PAPPA: variants seen among roughly 807,000 people sequenced by gnomAD.
PAPPA encodes pappalysin 1, also known as pappalysin-1.
Under a neutral mutation model 164.0 loss-of-function variants are expected in PAPPA, and 60 were observed. The ratio of observed to expected loss-of-function variants is 0.37; its 90% confidence interval spans 0.30 to 0.45. The LOEUF (loss-of-function observed/expected upper bound fraction) is 0.45, where lower values mean the gene tolerates loss of function less well. Ranked by LOEUF, PAPPA falls within the 20% of genes least tolerant of loss-of-function variation. PAPPA has a pLI of 1.00. For synonymous variants in PAPPA, 875 were observed against 814.1 expected (o/e 1.07, Z -1.27); for missense variants, 1,782 against 2,087.3 (o/e 0.85, Z 2.85).
intron 20 of PAPPA, among the ~76,000 whole-genome samples, chr9:116,378,840 G>C (rs577895903): frequency 6.6e-6 from 1 of 152,254 alleles, no homozygotes; most frequent in Admixed American, 6.5e-5. Flanking sequence ...TCCATTCCCT[G>C]ATCTGTGTCA....
chr9:116,275,426 G>A (rs569445107), intron 9 of PAPPA, among the ~76,000 whole-genome samples: 20 of 152,206 alleles, frequency 1.3e-4, no homozygotes, highest in South Asian at 1.0e-3. Flanking sequence ...ACTACGGGTC[G>A]TCTCTTGTTT....
rs1394342057 is a variant in PAPPA at position 116,200,415 on chromosome 9, A to C, written c.1479-7041A>C. Among the ~76,000 whole-genome samples, 3 of 152,170 alleles carry C rather than the reference A, an allele frequency of 2.0e-5. No individual in the cohort carries two copies. In the East Asian group the frequency reaches 5.8e-4, roughly 29 times the overall value. On this transcript the variant is annotated intron_variant, in intron 2 of 21. Transcript: ENST00000328252. ...AAGGATATGGTCGGTAGCATCCAAC[A>C]GACTAGGGGTTGTGTCCCCCCTCTG...
At position 116,295,594 on chromosome 9, in the gene PAPPA, G is replaced by T. The variant is rs1217101904; in HGVS notation, c.2954-7163G>T. On this transcript the variant is annotated intron_variant, in intron 9 of 21. Transcript: ENST00000328252. ...AAGAAAAGAAAAGAAAAATTTCAAA[G>T]TCTCCTCATTTCTGAAGGATAATTT... Among the ~76,000 whole-genome samples, 6 of 149,180 alleles carry T rather than the reference G, an allele frequency of 4.0e-5. No homozygotes were observed. The East Asian group carries it at 1.2e-3, about 29-fold the overall frequency.
intron 2 of PAPPA, among the ~76,000 whole-genome samples, chr9:116,199,114 A>G (rs1464531974): frequency 6.6e-6 from 1 of 152,112 alleles, no homozygotes; most frequent in Non-Finnish European, 1.5e-5. Context: ...CCACTGGCAC[A>G]CTCTGCTTCT....
At chr9:116,258,986 C>T (rs1277327386) in intron 7 of PAPPA, among the ~76,000 whole-genome samples, 4 of 150,346 alleles carry the variant, frequency 2.7e-5, no homozygotes, top group Non-Finnish European at 5.9e-5. Context: ...ATATAAAATT[C>T]GCCAGGCATG....
At chr9:116,220,802 T>C (rs1276453069) in intron 5 of PAPPA, among the ~76,000 whole-genome samples, 1 of 151,792 alleles carries the variant, frequency 6.6e-6, no homozygotes, top group East Asian at 1.9e-4. Context: ...AGGAGAATGC[T>C]TGAGCCCAGG....
chr9:116,216,827 T>G (rs1327146190), intron 4 of PAPPA, among the ~76,000 whole-genome samples: 7 of 152,120 alleles, frequency 4.6e-5, no homozygotes, highest in Non-Finnish European at 2.9e-5. Flanking sequence ...CTGCAACTTC[T>G]GCCTCCCAGG....
intron 6 of PAPPA, among the ~76,000 whole-genome samples, chr9:116,232,634 G>A (rs1051564304): frequency 4.6e-5 from 7 of 152,342 alleles, no homozygotes; most frequent in East Asian, 3.9e-4. Context: ...GACCTGAGGC[G>A]TGTAATGTGC....
intron 4 of PAPPA, among the ~76,000 whole-genome samples, chr9:116,218,074 T>A (rs1587957146): frequency 6.6e-6 from 1 of 152,228 alleles, no homozygotes; most frequent in African/African-American, 2.4e-5. Context: ...TATTCAGGAG[T>A]TACATGGTGG....
Position 116,360,341 on chromosome 9 carries a change from G to A in PAPPA, c.4348-2251G>A, listed in dbSNP as rs368354567. Among the ~76,000 whole-genome samples the A allele has an allele frequency of 2.7e-4, 41 of 152,314 alleles. 1 individual carries two copies. In the East Asian group the frequency reaches 7.6e-3, roughly 28 times the overall value. On this transcript the variant is annotated intron_variant, in intron 17 of 21. Transcript: ENST00000328252. ...GAGCCCCTACAGAACCTCTGGGAGT[G>A]AACTCTGCAAGCCGCCTTGCAGCTG...
At chr9:116,204,496 C>T (rs1427065088) in intron 2 of PAPPA, among the ~76,000 whole-genome samples, 1 of 152,150 alleles carries the variant, frequency 6.6e-6, no homozygotes, top group African/African-American at 2.4e-5. Flanking sequence ...CTCACTGCAG[C>T]CTTGAACTCC....
rs1843998318 is a variant in PAPPA at position 116,188,059 on chromosome 9, C to T, written c.1321C>T (p.Arg441Cys). 6.8e-6 allele frequency: 11 copies of T among 1,614,166 alleles called. No individual in the cohort carries two copies. The highest frequency in any genetic ancestry group is 1.1e-5 in the South Asian group (1 of 91,082). ...TLTGHDGGDCRHLRHPAFVKK... is the reference protein window; with the variant it reads ...TLTGHDGGDCCHLRHPAFVKK... The stretch of plus-strand genomic sequence containing the variant: ...GACGGGCCACGACGGCGGGGATTGC[C>T]GCCACCTGCGCCACCCTGCCTTCGT... The change falls in exon 2 of 22, where the codon CGC (arginine) becomes TGC (cysteine). Residue 441 changes from arginine to cysteine, a missense_variant. Transcript: ENST00000328252.
At chr9:116,312,186 G>T (rs958773062) in intron 10 of PAPPA, among the ~76,000 whole-genome samples, 2 of 151,676 alleles carry the variant, frequency 1.3e-5, no homozygotes, top group African/African-American at 4.8e-5. Flanking sequence ...ATCCTCTTTA[G>T]CTTCAGGACC....
intron 5 of PAPPA, among the ~76,000 whole-genome samples, chr9:116,225,776 A>G (rs1272653131): frequency 6.6e-6 from 1 of 152,188 alleles, no homozygotes; most frequent in Non-Finnish European, 1.5e-5. Context: ...TAAGTTAGCC[A>G]TGAGTATTAG....
intron 7 of PAPPA, among the ~76,000 whole-genome samples, chr9:116,258,605 G>A (rs1276255348): frequency 2.0e-5 from 3 of 151,766 alleles, no homozygotes; most frequent in East Asian, 3.9e-4. Flanking sequence ...GAGGTGAGCC[G>A]AGATCGCACC....
intron 7 of PAPPA, among the ~76,000 whole-genome samples, chr9:116,244,314 T>G (rs779980759): frequency 3.3e-5 from 5 of 152,192 alleles, no homozygotes; most frequent in Admixed American, 2.6e-4. Context: ...AGTGAACCAT[T>G]ATAGGTTCTC....
At chr9:116,334,764 A>T in intron 12 of PAPPA, 97 bp from the exon 13 acceptor site, 1 of 800,988 alleles carries the variant, frequency 1.2e-6, no homozygotes, top group South Asian at 1.6e-5. Flanking sequence ...CAGTGACATG[A>T]AAGGGTCTGG....
intron 11 of PAPPA, among the ~76,000 whole-genome samples, chr9:116,331,882 A>T (rs566426284): frequency 2.0e-5 from 3 of 152,312 alleles, no homozygotes; most frequent in Non-Finnish European, 2.9e-5. Context: ...AGCCGAGTGC[A>T]GAGGTTGACA....
chr9:116,307,723 TGAGAGA>T (rs145791298), intron 10 of PAPPA, among the ~76,000 whole-genome samples: 1 of 149,836 alleles, frequency 6.7e-6, no homozygotes, highest in Non-Finnish European at 1.5e-5. Flanking sequence ...CTGAGGAATG[TGAGAGA>T]GAGAGAGAGA....
Sources: allele counts gnomAD v4.1 joint callset (sites outside exome capture counted in the v4.1 genomes callset), GRCh38; gene constraint gnomAD v4.1.1; transcripts MANE v1.5; gene names NCBI Gene and HGNC (gene_info 2026-07-23, HGNC 2026-07-21).